The following FMN2 variants were observed in gnomAD, a reference collection of about 807,000 sequenced individuals.
FMN2 encodes the protein formin 2, also known as formin-2.
FMN2 carries 51 observed loss-of-function variants against 142.3 expected under a neutral mutation model. That is an observed-to-expected ratio of 0.36 (90% CI 0.29 to 0.45). FMN2 has a LOEUF of 0.45. Among genes scored for constraint, FMN2 ranks in the 20% least tolerant of loss-of-function variants. FMN2 has a pLI of 1.00. For missense variants in FMN2, 1,936 were observed against 2,122.8 expected (o/e 0.91, Z 1.73); for synonymous variants, 882 against 869.8 (o/e 1.01, Z -0.25).
At chr1:240,337,872 T>G (rs748672619) in intron 13 of FMN2, among the ~76,000 whole-genome samples, 1 of 152,304 alleles carries the variant, frequency 6.6e-6, no homozygotes, top group Non-Finnish European at 1.5e-5. Context: ...CTCCCAAGAT[T>G]TCCATATTTC....
chr1:240,098,557 GC>G (rs1433334516), intron 1 of FMN2, among the ~76,000 whole-genome samples: 3 of 152,114 alleles, frequency 2.0e-5, no homozygotes, highest in Non-Finnish European at 4.4e-5. Context: ...GTCAGAATCT[GC>G]CTGATACGTA....
intron 2 of FMN2, among the ~76,000 whole-genome samples, chr1:240,163,795 C>G (rs1444830907): frequency 6.6e-6 from 1 of 151,896 alleles, no homozygotes; most frequent in Admixed American, 6.6e-5. Context: ...TTGGATTTAT[C>G]AATTACTCTT....
chr1:240,207,342 T>C lies in FMN2; in HGVS notation c.2530T>C (p.Ser844Pro). Residue 844 changes from serine (S) to proline (P), a missense_variant, in exon 5 of 18, where the codon TCT becomes CCT. Transcript: ENST00000319653. The stretch of plus-strand genomic sequence containing the variant: ...CGAGTTTCAAACCAGCCACGAACAC[T>C]CTGTTTCCTCTGCCTTTAAAAACAG... The part of the protein sequence containing the change: ...STEFQTSHEH[S>P]VSSAFKNSCN... The C allele has an allele frequency of 6.2e-7, 1 of 1,613,720 alleles. No homozygotes were observed. Among genetic ancestry groups the C allele is most frequent in the Non-Finnish European group, 8.5e-7 (1 of 1,179,828 alleles).
intron 8 of FMN2, among the ~76,000 whole-genome samples, chr1:240,320,324 A>T (rs566412088): frequency 2.0e-5 from 3 of 152,216 alleles, no homozygotes; most frequent in African/African-American, 7.2e-5. Context: ...CTTTTATGTG[A>T]TTAATTAATG....
At chr1:240,413,217 A>G (rs1674473556) in intron 15 of FMN2, among the ~76,000 whole-genome samples, 1 of 150,666 alleles carries the variant, frequency 6.6e-6, no homozygotes, top group Admixed American at 6.6e-5. Context: ...CCAAATAATC[A>G]GGATCCAGAG....
chr1:240,222,431 C>T (rs914314056), intron 6 of FMN2, among the ~76,000 whole-genome samples: 2 of 152,018 alleles, frequency 1.3e-5, no homozygotes, highest in Non-Finnish European at 2.9e-5. Context: ...TGTGATGCTT[C>T]CAGCTTTGTT....
Position 240,153,848 on chromosome 1 carries a change from G to T in FMN2, c.1783-24073G>T, listed in dbSNP as rs1237688530. On this transcript the variant is annotated intron_variant, in intron 2 of 17. Transcript: ENST00000319653. ...AGTGTGAACACCAGCCGGGCGCTGTGGCTCACACATGTAATCCTAGCATTT... is the reference window on the plus strand; with the variant it reads ...AGTGTGAACACCAGCCGGGCGCTGTTGCTCACACATGTAATCCTAGCATTT... 2.0e-5 allele frequency among the ~76,000 whole-genome samples: 3 copies of T among 152,034 alleles called. No individual in the cohort carries two copies. The South Asian group carries it at 6.2e-4, about 31-fold the overall frequency.
chr1:240,382,820 A>G (rs750269754), intron 14 of FMN2, among the ~76,000 whole-genome samples: 28 of 152,178 alleles, frequency 1.8e-4, no homozygotes, highest in Non-Finnish European at 2.1e-4. Flanking sequence ...TCTTAAATAA[A>G]AAGAAAAAAA....
chr1:240,184,369 TG>T (rs1665293422), intron 3 of FMN2, among the ~76,000 whole-genome samples: 1 of 149,588 alleles, frequency 6.7e-6, no homozygotes, highest in Admixed American at 6.8e-5. Flanking sequence ...CCCGAGTAGC[TG>T]GGACTGCAGG....
At chr1:240,269,585 A>T (rs1055536122) in intron 7 of FMN2, among the ~76,000 whole-genome samples, 1 of 151,980 alleles carries the variant, frequency 6.6e-6, no homozygotes, top group Admixed American at 6.6e-5. Context: ...GTGAAGAATG[A>T]CACTGGAATT....
chr1:240,268,172 T>A (rs1668880293), intron 7 of FMN2, among the ~76,000 whole-genome samples: 1 of 151,892 alleles, frequency 6.6e-6, no homozygotes, highest in Non-Finnish European at 1.5e-5. Flanking sequence ...TCTGATTGAG[T>A]TGGGAGTGAG....
rs145174181 is a variant in FMN2, at chr1:240,201,277, A to C, written c.1987-5522A>C. Among the ~76,000 whole-genome samples, 1,277 of 152,248 alleles carry C rather than the reference A, an allele frequency of 8.4e-3. 15 individuals carry two copies. Among genetic ancestry groups the C allele is most frequent in the African/African-American group, 0.029 (1,212 of 41,538 alleles). ...TTTAGTTTGGCAGGGTCAGTTTATC[A>C]ATGATTTTTGGATGTTTTAAACCAC... On this transcript the variant is annotated intron_variant, in intron 4 of 17. Coordinates refer to ENST00000319653, the MANE Select transcript of FMN2 (RefSeq NM_020066.5).
At chr1:240,262,510 G>A (rs1668664272) in intron 7 of FMN2, among the ~76,000 whole-genome samples, 1 of 152,108 alleles carries the variant, frequency 6.6e-6, no homozygotes, top group South Asian at 2.1e-4. Flanking sequence ...GTTCACTTCT[G>A]TGAAAATTGA....
At chr1:240,391,145 G>T (rs1157949691) in intron 14 of FMN2, among the ~76,000 whole-genome samples, 3 of 151,922 alleles carry the variant, frequency 2.0e-5, no homozygotes, top group Non-Finnish European at 4.4e-5. Context: ...GTTAACAATT[G>T]ACCTGTAAGT....
chr1:240,394,771 C>G (rs1251061714), intron 15 of FMN2, among the ~76,000 whole-genome samples: 2 of 152,068 alleles, frequency 1.3e-5, no homozygotes, highest in African/African-American at 4.8e-5. Context: ...ACCTTGAGCC[C>G]AGCCTGGCCA....
At chr1:240,253,323 A>G (rs952952715) in intron 6 of FMN2, among the ~76,000 whole-genome samples, 1 of 151,844 alleles carries the variant, frequency 6.6e-6, no homozygotes, top group Non-Finnish European at 1.5e-5. Context: ...GGTTATTTCA[A>G]AAGACCTGTC....
At chr1:240,225,444 T>A (rs1164698628) in intron 6 of FMN2, among the ~76,000 whole-genome samples, 4 of 152,098 alleles carry the variant, frequency 2.6e-5, no homozygotes, top group Non-Finnish European at 5.9e-5. Context: ...GCTGAAAGAT[T>A]AAAAACGTGA....
chr1:240,377,201 C>T (rs1354601148), intron 14 of FMN2, among the ~76,000 whole-genome samples: 1 of 152,136 alleles, frequency 6.6e-6, no homozygotes, highest in Non-Finnish European at 1.5e-5. Flanking sequence ...TAACATTTCT[C>T]ATTATGTAGA....
At chr1:240,256,029 T>C (rs544684482) in intron 6 of FMN2, among the ~76,000 whole-genome samples, 2 of 152,264 alleles carry the variant, frequency 1.3e-5, no homozygotes, top group South Asian at 4.1e-4. Flanking sequence ...AAGGGTGTGA[T>C]CAACATGTCA....
Sources: gnomAD v4.1 joint callset for allele counts (sites outside exome capture counted in the v4.1 genomes callset) on GRCh38, gnomAD v4.1.1 for gene constraint, MANE v1.5 for transcripts, NCBI Gene and HGNC (gene_info 2026-07-23, HGNC 2026-07-21) for gene names.